Variants in MCU observed in about 807,000 individuals in gnomAD.
MCU encodes calcium uniporter protein, mitochondrial.
A neutral mutation model predicts 45.2 loss-of-function variants in MCU; 12 were observed. The observed-to-expected ratio is 0.27, with a 90% CI of 0.17 to 0.43. The LOEUF is 0.43. Among genes scored for constraint, MCU ranks in the 20% least tolerant of loss-of-function variants. The probability of loss-of-function intolerance (pLI) is 1.00; values close to 1 mark genes in which losing one functional copy is unlikely to be tolerated. For synonymous variants in MCU, 160 were observed against 165.1 expected (o/e 0.97, Z 0.24); for missense variants, 324 against 436.7 (o/e 0.74, Z 2.30).
chr10:72,805,625 T>C (rs771813461), intron 1 of MCU, among the ~76,000 whole-genome samples: 3 of 152,140 alleles, frequency 2.0e-5, no homozygotes, highest in Non-Finnish European at 2.9e-5. Context: ...GCTTACAGTT[T>C]ACCCCCTTTT....
At chr10:72,821,160 T>C (rs1312074358) in intron 1 of MCU, among the ~76,000 whole-genome samples, 1 of 152,150 alleles carries the variant, frequency 6.6e-6, no homozygotes, top group East Asian at 1.9e-4. Context: ...GTTCCTATAT[T>C]GTAGGAAACA....
At chr10:72,715,156 A>G (rs1373131391) in intron 1 of MCU, 5 of 985,304 alleles carry the variant, frequency 5.1e-6, no homozygotes, top group Non-Finnish European at 6.0e-6. Flanking sequence ...TACCGTTTCT[A>G]CCTCACTCTC....
chr10:72,806,462 A>G (rs1844453235), intron 1 of MCU, among the ~76,000 whole-genome samples: 1 of 152,170 alleles, frequency 6.6e-6, no homozygotes. Context: ...GCCCGGCATG[A>G]AGAGCTTTAA....
intron 1 of MCU, among the ~76,000 whole-genome samples, chr10:72,790,860 A>G (rs1203011660): frequency 3.9e-5 from 6 of 152,212 alleles, no homozygotes; most frequent in African/African-American, 1.4e-4. Context: ...AAATCATAAT[A>G]GTGCTTTTCA....
At chr10:72,709,866 T>G (rs1372923104) in intron 1 of MCU, among the ~76,000 whole-genome samples, 1 of 152,202 alleles carries the variant, frequency 6.6e-6, no homozygotes, top group Admixed American at 6.5e-5. Flanking sequence ...CAGTGCTTTC[T>G]TTAAGTTTAA....
chr10:72,880,701 G>A (rs765731478), intron 6 of MCU, among the ~76,000 whole-genome samples: 1 of 152,196 alleles, frequency 6.6e-6, no homozygotes, highest in Non-Finnish European at 1.5e-5. Context: ...GAAAAACTGG[G>A]TAAGAGGATT....
intron 1 of MCU, among the ~76,000 whole-genome samples, chr10:72,804,909 C>T (rs554612093): frequency 2.0e-5 from 3 of 152,246 alleles, no homozygotes; most frequent in Non-Finnish European, 2.9e-5. Flanking sequence ...GTAGCTGGGA[C>T]TACAGGTGTG....
intron 2 of MCU, among the ~76,000 whole-genome samples, chr10:72,845,180 A>G (rs761646229): frequency 1.3e-5 from 2 of 152,164 alleles, no homozygotes; most frequent in African/African-American, 2.4e-5. Flanking sequence ...TGTAAAGCCA[A>G]GGAGAAAGGG....
chr10:72,819,513 T>A (rs1031348528), intron 1 of MCU, among the ~76,000 whole-genome samples: 17 of 152,350 alleles, frequency 1.1e-4, no homozygotes, highest in Admixed American at 1.1e-3. Context: ...GGGGAAAGTT[T>A]TTACATTCAA....
chr10:72,692,885 G>C, intron 1 of MCU: 1 of 1,446,868 alleles, frequency 6.9e-7, no homozygotes, highest in Non-Finnish European at 9.1e-7. Flanking sequence ...GACTTCCTCT[G>C]TGTGTGTGCA....
chr10:72,859,605 T>C (rs745505776), intron 3 of MCU, among the ~76,000 whole-genome samples: 30 of 152,184 alleles, frequency 2.0e-4, no homozygotes, highest in Non-Finnish European at 2.2e-4. Context: ...TATAATGCCA[T>C]GAGCAAGGAT....
chr10:72,825,526 T>A (rs538989745), intron 1 of MCU, among the ~76,000 whole-genome samples: 3 of 152,176 alleles, frequency 2.0e-5, no homozygotes, highest in Non-Finnish European at 4.4e-5. Flanking sequence ...ATTACCTGTG[T>A]TTTATCAGTA....
chr10:72,788,247 C>T (rs1454538368), intron 1 of MCU, among the ~76,000 whole-genome samples: 2 of 152,228 alleles, frequency 1.3e-5, no homozygotes, highest in African/African-American at 4.8e-5. Context: ...GGTTAAACAA[C>T]TCAATGACTG....
chr10:72,736,527 A>G (rs1206991216), intron 1 of MCU: 1 of 152,176 alleles, frequency 6.6e-6, no homozygotes, highest in African/African-American at 2.4e-5. Flanking sequence ...TTGGCCCTTT[A>G]TGCTTATTAG....
intron 6 of MCU, among the ~76,000 whole-genome samples, chr10:72,879,620 T>A (rs996589597): frequency 2.6e-5 from 4 of 152,062 alleles, no homozygotes; most frequent in African/African-American, 9.7e-5. Context: ...TTATCACACG[T>A]GAAAAGTCGG....
intron 1 of MCU, among the ~76,000 whole-genome samples, chr10:72,706,900 G>A (rs1445696882): frequency 1.3e-5 from 2 of 148,526 alleles, no homozygotes; most frequent in African/African-American, 2.5e-5. Context: ...CACAGTCTCA[G>A]CTCACTGAAA....
At chr10:72,854,154 A>G (rs926081302) in intron 2 of MCU, among the ~76,000 whole-genome samples, 3 of 152,100 alleles carry the variant, frequency 2.0e-5, no homozygotes, top group Non-Finnish European at 4.4e-5. Flanking sequence ...TTAGCTGGGC[A>G]TGGTGGCACA....
chr10:72,715,245 A>G (rs969137679), intron 1 of MCU: 5 of 868,496 alleles, frequency 5.8e-6, no homozygotes, highest in Middle Eastern at 1.2e-3. Flanking sequence ...CTTTTTTACT[A>G]TTTGGCATGG....
At chr10:72,867,341 T>C (rs1845472568) in intron 4 of MCU, among the ~76,000 whole-genome samples, 1 of 152,102 alleles carries the variant, frequency 6.6e-6, no homozygotes, top group African/African-American at 2.4e-5. Flanking sequence ...AGAGTTTTTA[T>C]TTGATTCTGA....
Sources: allele counts gnomAD v4.1 joint callset (sites outside exome capture counted in the v4.1 genomes callset), GRCh38; gene constraint gnomAD v4.1.1; transcripts MANE v1.5; gene names NCBI Gene and HGNC (gene_info 2026-07-23, HGNC 2026-07-21).